The following SRC variants were observed in gnomAD, a reference collection of about 807,000 sequenced individuals.
The protein encoded by SRC is SRC proto-oncogene, non-receptor tyrosine kinase.
SRC carries 13 observed loss-of-function variants against 62.9 expected under a neutral mutation model. The observed-to-expected ratio is 0.21, with a 90% CI of 0.13 to 0.33. The LOEUF (loss-of-function observed/expected upper bound fraction) is 0.33, where lower values mean the gene tolerates loss of function less well. SRC is among the 10% of genes least tolerant of loss of function. The probability of loss-of-function intolerance (pLI) is 1.00; values close to 1 mark genes in which losing one functional copy is unlikely to be tolerated. For synonymous variants in SRC, 302 were observed against 317.5 expected (o/e 0.95, Z 0.52); for missense variants, 457 against 737.3 (o/e 0.62, Z 4.40).
At position 37,403,118 on chromosome 20, in the gene SRC, C is replaced by A; in HGVS notation, c.1403-53C>A. On this transcript the variant is annotated intron_variant, in intron 13 of 13. Transcript: ENST00000373578. The surrounding 1 kb of genome is among the most constrained non-coding windows in gnomAD (Gnocchi z 7.1). The stretch of plus-strand genomic sequence containing the variant: ...CGCTGCCCTCCCCATCAGCTTCCCC[C>A]ACCCCACTTTCCTCACCGGAGCCGG... The A allele has an allele frequency of 6.8e-7, 1 of 1,481,052 alleles. No homozygotes were observed. 91.7% of individuals were successfully genotyped at this position (1,481,052 alleles called of 1,614,324 possible). A position where few individuals can be genotyped will look rare whatever the true frequency, so the allele number is the denominator to read the frequency against.
chr20:37,379,281 G>T (rs762607220), intron 2 of SRC, among the ~76,000 whole-genome samples: 9 of 152,098 alleles, frequency 5.9e-5, no homozygotes, highest in Admixed American at 4.6e-4. Flanking sequence ...CTTGACCCCC[G>T]CAAGGGTCTA....
chr20:37,388,313 A>G (rs2070487818), intron 5 of SRC, among the ~76,000 whole-genome samples: 1 of 151,984 alleles, frequency 6.6e-6, no homozygotes, highest in Non-Finnish European at 1.5e-5. Flanking sequence ...TTTGGCCAGG[A>G]GGCTGGGGCT....
upstream of SRC, among the ~76,000 whole-genome samples, chr20:37,345,550 C>A (rs993074078): frequency 1.3e-5 from 2 of 152,240 alleles, no homozygotes; most frequent in African/African-American, 2.4e-5. Flanking sequence ...TCCTCCCCAC[C>A]CTGTCCCTCC....
intron 1 of SRC, among the ~76,000 whole-genome samples, 179 bp from the exon 2 acceptor site, chr20:37,365,025 C>G (rs2070039657): frequency 1.3e-5 from 2 of 152,172 alleles, no homozygotes; most frequent in African/African-American, 4.8e-5. Context: ...CTGAGGCTCT[C>G]TGGTGGTCCC....
At chr20:37,378,558 A>G (rs980614013) in intron 2 of SRC, among the ~76,000 whole-genome samples, 4 of 152,034 alleles carry the variant, frequency 2.6e-5, no homozygotes, top group African/African-American at 9.7e-5. Context: ...TTTCACTGAA[A>G]CAGTGTGTTG....
rs534233571 is a variant in SRC, at chr20:37,354,967, G to A, written c.-247+8712G>A. 1.6e-4 allele frequency among the ~76,000 whole-genome samples: 24 copies of A among 152,304 alleles called. 1 individual carries two copies. The East Asian group carries it at 4.6e-3, about 29-fold the overall frequency. ...GTTAATGGGTACGGCTGTGAGGACG[G>A]GTAGGATCCTGACTGGCAGGAGGGG... On this transcript the variant is annotated intron_variant, in intron 1 of 13. Coordinates refer to ENST00000373578, the MANE Select transcript of SRC (RefSeq NM_198291.3).
At chr20:37,373,345 C>CATATGTACATATATACACATACACAT (rs1568628478) in intron 2 of SRC, among the ~76,000 whole-genome samples, 5 of 150,946 alleles carry the variant, frequency 3.3e-5, no homozygotes, top group Non-Finnish European at 7.4e-5. Flanking sequence ...TGTACACACA[C>CATATGTACATATATACACATACACAT]ATATGTACAT....
rs1491006645 is a variant in SRC at position 37,404,618 on chromosome 20, CTG to C, written c.*1243_*1244del. ...ACCCACTGCCATGCACCAGGACTGG[CTG>C]TGTAACCTTGGGTGGCCCCTGCTGT... On this transcript the variant is annotated 3_prime_UTR_variant, in exon 14 of 14. Coordinates refer to ENST00000373578, the MANE Select transcript of SRC (RefSeq NM_198291.3). The C allele has an allele frequency of 8.6e-6, 2 of 233,710 alleles. No homozygotes were observed. The highest frequency in any genetic ancestry group is 1.1e-4 in the Admixed American group (2 of 17,790). 14.5% of individuals were successfully genotyped at this position (233,710 alleles called of 1,614,324 possible). A position where few individuals can be genotyped will look rare whatever the true frequency, so the allele number is the denominator to read the frequency against.
intron 1 of SRC, among the ~76,000 whole-genome samples, chr20:37,361,612 C>T (rs979440756): frequency 7.2e-5 from 11 of 152,314 alleles, no homozygotes; most frequent in South Asian, 4.1e-4. Context: ...GGGCAGGGGC[C>T]GGCTGGCGGC....
rs1249548268 is a variant in SRC at position 37,402,430 on chromosome 20, T to A, written c.1117-5T>A. On this transcript the variant is annotated splice_region_variant and splice_polypyrimidine_tract_variant and intron_variant, in intron 11 of 13. Transcript: ENST00000373578. The surrounding 1 kb of genome is among the most constrained non-coding windows in gnomAD (Gnocchi z 6.2). ...TGAGCCAGGCTCCCACGGTTCCGCC[T>A]GCAGATCGCCTCAGGCATGGCGTAC... 6.2e-7 allele frequency: 1 copy of A among 1,611,146 alleles called. No homozygotes were observed. The highest frequency in any genetic ancestry group is 2.2e-5 in the East Asian group (1 of 44,798).
intron 6 of SRC, 80 bp from the exon 7 acceptor site, chr20:37,394,094 C>T: frequency 6.5e-7 from 1 of 1,550,068 alleles, no homozygotes; most frequent in Non-Finnish European, 8.9e-7. Context: ...GTCCAGCGCC[C>T]CAGCCATATC....
At position 37,403,947 on chromosome 20, in the gene SRC, T is replaced by A; in HGVS notation, c.*568T>A. 1 of 238,652 alleles carries A rather than the reference T, an allele frequency of 4.2e-6. No individual in the cohort carries two copies. 14.8% of individuals were successfully genotyped at this position (238,652 alleles called of 1,614,324 possible). ...CAGCACAAGGCCTTGCCTGGCCTGATGATGGTGGGTGGGTGGGATGAGTAC... is the reference window on the plus strand; with the variant it reads ...CAGCACAAGGCCTTGCCTGGCCTGAAGATGGTGGGTGGGTGGGATGAGTAC... On this transcript the variant is annotated 3_prime_UTR_variant, in exon 14 of 14. Coordinates refer to ENST00000373578, the MANE Select transcript of SRC (RefSeq NM_198291.3). This position sits in a 1 kb window ranked among gnomAD's most constrained non-coding sequence, Gnocchi z 7.1.
intron 1 of SRC, among the ~76,000 whole-genome samples, chr20:37,348,576 A>G (rs1042907913): frequency 1.3e-4 from 20 of 152,204 alleles, no homozygotes; most frequent in Non-Finnish European, 2.8e-4. Context: ...TGAGCTGAGG[A>G]CGAGCAAGAG....
intron 2 of SRC, among the ~76,000 whole-genome samples, chr20:37,367,818 T>TAAAAA (rs1412730039): frequency 6.6e-6 from 1 of 151,874 alleles, no homozygotes; most frequent in African/African-American, 2.4e-5. Flanking sequence ...GGCTAATTTT[T>TAAAAA]AAAAAAGTTT....
chr20:37,387,616 G>A (rs957403374), intron 5 of SRC, among the ~76,000 whole-genome samples: 2 of 152,218 alleles, frequency 1.3e-5, no homozygotes, highest in Non-Finnish European at 2.9e-5. Flanking sequence ...GTCCTGGTGC[G>A]AAGCTACAGT....
chr20:37,397,811 G>T lies in SRC; in HGVS notation c.816G>T (p.Leu272=). The T allele has an allele frequency of 6.2e-7, 1 of 1,611,930 alleles. No homozygotes were observed. The highest frequency in any genetic ancestry group is 1.3e-5 in the African/African-American group (1 of 75,010). Residue 272 remains leucine, a synonymous_variant, in exon 9 of 14, where the codon CTG becomes CTT. Transcript: ENST00000373578. The surrounding 1 kb of genome is among the most constrained non-coding windows in gnomAD (Gnocchi z 4.1). ...AWEIPRESLR[L]EVKLGQGCFG... The stretch of plus-strand genomic sequence containing the variant: ...AGATCCCTCGGGAGTCGCTGCGGCT[G>T]GAGGTCAAGCTGGGCCAGGGCTGCT...
At chr20:37,364,422 T>C (rs2070029740) in intron 1 of SRC, among the ~76,000 whole-genome samples, 1 of 152,166 alleles carries the variant, frequency 6.6e-6, no homozygotes, top group South Asian at 2.1e-4. Flanking sequence ...GCTGTTGTTA[T>C]CCTCTGAGGA....
At chr20:37,371,038 G>A (rs781354866) in intron 2 of SRC, among the ~76,000 whole-genome samples, 1 of 149,128 alleles carries the variant, frequency 6.7e-6, no homozygotes, top group Non-Finnish European at 1.5e-5. Context: ...GCCCACGCTG[G>A]AGTGCAATGG....
At chr20:37,363,858 T>C (rs1026907920) in intron 1 of SRC, among the ~76,000 whole-genome samples, 2 of 152,170 alleles carry the variant, frequency 1.3e-5, no homozygotes, top group Non-Finnish European at 2.9e-5. Flanking sequence ...AGGCACGCCA[T>C]TTAACCTGTC....
Sources: allele counts gnomAD v4.1 joint callset (sites outside exome capture counted in the v4.1 genomes callset), GRCh38; gene constraint gnomAD v4.1.1; non-coding constraint Gnocchi (gnomAD v3.1); transcripts MANE v1.5; gene names NCBI Gene and HGNC (gene_info 2026-07-23, HGNC 2026-07-21).